Variants in ABCA2 observed in about 807,000 individuals in gnomAD.
The protein encoded by ABCA2 is ATP binding cassette subfamily A member 2, also known as ATP-binding cassette sub-family A member 2.
In ABCA2, 84 loss-of-function variants were observed where a neutral mutation model predicts 262.8. That is an observed-to-expected ratio of 0.32 (90% CI 0.27 to 0.38). ABCA2 has a LOEUF of 0.38. Among genes scored for constraint, ABCA2 ranks in the 10% least tolerant of loss-of-function variants. The pLI is 1.00. For synonymous variants in ABCA2, 1,696 were observed against 1,502.9 expected (o/e 1.13, Z -2.97); for missense variants, 2,662 against 3,405.9 (o/e 0.78, Z 5.44).
In ABCA2 at chr9:137,021,133, G is replaced by A; in HGVS notation, c.898-72C>T. ...AGGTGGGTGATAGGTCAGGAGTGGA[G>A]CAGGGAGACAGCAGCAGGGAGACAC... On this transcript the variant is annotated intron_variant, in intron 8 of 48. Coordinates refer to ENST00000341511, the MANE Select transcript of ABCA2 (RefSeq NM_001606.5). This position sits in a 1 kb window ranked among gnomAD's most constrained non-coding sequence, Gnocchi z 6.0. 7.0e-7 allele frequency: 1 copy of A among 1,438,156 alleles called. No homozygotes were observed. Among genetic ancestry groups the A allele is most frequent in the Non-Finnish European group, 9.1e-7 (1 of 1,098,760 alleles). The allele number at this position is 1,438,156 out of a possible 1,614,324, so 89.1% of individuals were successfully genotyped here. A position where few individuals can be genotyped will look rare whatever the true frequency, so the allele number is the denominator to read the frequency against.
chr9:137,016,665 T>G lies in ABCA2; in HGVS notation c.2832A>C (p.Glu944Asp). 1 of 1,603,028 alleles carries G rather than the reference T, an allele frequency of 6.2e-7. No individual in the cohort carries two copies. The highest frequency in any genetic ancestry group is 8.5e-7 in the Non-Finnish European group (1 of 1,175,058). ...CCCACGGCCAGCTCCACTCCCAGGC[T>G]TCTGTCCGCCCACTGCCCAGCCAGT... is the stretch of plus-strand genomic sequence containing the variant. ...KSYWLGSGRT[E>D]AWEWSWPWAR... The change falls in exon 20 of 49, where the codon GAA becomes GAC. Residue 944 changes from glutamate to aspartate, a missense_variant. Physicochemically the swap from Glu to Asp is conservative, Grantham distance 45. This residue lies in a region of ABCA2 where 133 missense variants were observed against 150.8 expected (regional missense o/e 0.88). Transcript: ENST00000341511.
Position 137,017,193 on chromosome 9 carries a change from C to T in ABCA2, c.2553+3G>A, listed in dbSNP as rs1831290774. The T allele has an allele frequency of 6.2e-7, 1 of 1,612,370 alleles. No individual in the cohort carries two copies. The highest frequency in any genetic ancestry group is 1.7e-5 in the Admixed American group (1 of 60,020). ...CAGCCGCCCGCCTGCCCGCGACCCT[C>T]ACCGCGATGCACTTCTCGAAGGCCG... On this transcript the variant is annotated splice_donor_region_variant and intron_variant, in intron 18 of 48. Coordinates refer to ENST00000341511, the MANE Select transcript of ABCA2 (RefSeq NM_001606.5).
Position 137,009,047 on chromosome 9 carries a change from T to C in ABCA2, c.6834A>G (p.Gly2278=). The change falls in exon 46 of 49, where the codon GGA becomes GGG. Residue 2278 remains glycine, a synonymous_variant. Transcript: ENST00000341511. ...TCCGCACCGTGATCATGTAGCCATC[T>C]CCAAACCTGGTGGGACAGGCCGGTG... ...GSIQHLKNRF[G]DGYMITVRTK... is the part of the protein sequence containing the mutation. The C allele has an allele frequency of 2.5e-6, 4 of 1,606,706 alleles. No individual in the cohort carries two copies. The highest frequency in any genetic ancestry group is 3.4e-6 in the Non-Finnish European group (4 of 1,179,684).
At chr9:137,028,922 T>A, upstream of ABCA2, 1 of 1,286,530 alleles carries the variant, frequency 7.8e-7, no homozygotes, top group Non-Finnish European at 1.0e-6. The surrounding 1 kb of genome is among the most constrained non-coding windows in gnomAD (Gnocchi z 6.9). Flanking sequence ...CAGGCGGTTC[T>A]GCGGCTGTGG....
In ABCA2 at chr9:137,017,224, T is replaced by G; in HGVS notation, c.2525A>C (p.Lys842Thr). 1 of 1,612,612 alleles carries G rather than the reference T, an allele frequency of 6.2e-7. No individual in the cohort carries two copies. Among genetic ancestry groups the G allele is most frequent in the Non-Finnish European group, 8.5e-7 (1 of 1,179,894 alleles). Residue 842 changes from lysine (K) to threonine (T), a missense_variant, in exon 18 of 49, where the codon AAG becomes ACG. By Grantham distance (78) the Lys-to-Thr change is moderately conservative (BLOSUM62 -1). Coordinates refer to ENST00000341511, the MANE Select transcript of ABCA2 (RefSeq NM_001606.5). Reference protein sequence around the residue: ...VAIREEVAHDKITAFEKCIAS... With the variant: ...VAIREEVAHDTITAFEKCIAS... ...GATGCACTTCTCGAAGGCCGTGATC[T>G]TATCATGCGCCACCTCCTCTCGGAT...
At chr9:137,018,667 G>A in intron 13 of ABCA2, 52 bp downstream of exon 13, 2 of 1,441,268 alleles carry the variant, frequency 1.4e-6, no homozygotes, top group Non-Finnish European at 1.9e-6. Flanking sequence ...GGGCTGGGCT[G>A]GGGAGGAAGA....
In ABCA2 at chr9:137,008,532, A is replaced by G. The variant is rs1830913801; in HGVS notation, c.7159T>C (p.Leu2387=). ...PSALQSPLGC[L]LSLLRPRSAP... Reference sequence around the variant, plus strand: ...GACCGGGGCCGGAGCAGGCTGAGCAAGCAGCCGAGAGGGGACTGCAGTGCG... The same window carrying G: ...GACCGGGGCCGGAGCAGGCTGAGCAGGCAGCCGAGAGGGGACTGCAGTGCG... The change falls in exon 48 of 49, where the codon TTG becomes CTG. Residue 2387 remains leucine, a synonymous_variant. Transcript: ENST00000341511. 2 of 1,600,830 alleles carry G rather than the reference A, an allele frequency of 1.2e-6. No individual in the cohort carries two copies. Among genetic ancestry groups the G allele is most frequent in the East Asian group, 4.5e-5 (2 of 44,360 alleles).
rs568413270 is a variant in ABCA2 at position 137,012,458 on chromosome 9, G to A, written c.5187+27C>T. On this transcript the variant is annotated intron_variant, in intron 32 of 48. Transcript: ENST00000341511. ...GACCTCGGGCGGCGCTACACACAGC[G>A]GGGCCCAGGCCCGCAGCCTCGCTCA... 2.6e-4 allele frequency: 412 copies of A among 1,610,164 alleles called. 8 individuals carry two copies. In the South Asian group the frequency reaches 4.0e-3, roughly 16 times the overall value.
upstream of ABCA2, chr9:137,028,748 C>G (rs374868755): frequency 7.8e-7 from 1 of 1,279,334 alleles, no homozygotes; most frequent in Non-Finnish European, 1.0e-6. This position sits in a 1 kb window ranked among gnomAD's most constrained non-coding sequence, Gnocchi z 6.9. Context: ...CAGGTGGGTC[C>G]GTCCCGCGAT....
In ABCA2 at chr9:137,016,633, G is replaced by A. The variant is rs1831268828; in HGVS notation, c.2864C>T (p.Thr955Ile). 3.1e-6 allele frequency: 5 copies of A among 1,610,896 alleles called. No individual in the cohort carries two copies. Among genetic ancestry groups the A allele is most frequent in the African/African-American group, 2.7e-5 (2 of 74,906 alleles). Residue 955 changes from threonine to isoleucine, a missense_variant, in exon 20 of 49, where the codon ACC becomes ATC. Coordinates refer to ENST00000341511, the MANE Select transcript of ABCA2 (RefSeq NM_001606.5). ...CTCCTCCATGACACTGAGGCGGGGG[G>A]TGCGTGCCCACGGCCAGCTCCACTC... ...AWEWSWPWARTPRLSVMEEDQ... is the reference protein window; with the variant it reads ...AWEWSWPWARIPRLSVMEEDQ...
intron 45 of ABCA2, 65 bp downstream of exon 45, chr9:137,009,305 G>C: frequency 7.1e-7 from 1 of 1,405,040 alleles, no homozygotes; most frequent in African/African-American, 1.4e-5. Context: ...CCCACTCCTG[G>C]CCCCGCTGCC....
chr9:137,022,657 CT>C, intron 5 of ABCA2, 44 bp downstream of exon 5: 1 of 1,584,136 alleles, frequency 6.3e-7, no homozygotes, highest in Non-Finnish European at 8.6e-7. Flanking sequence ...GACAGCAGAG[CT>C]TTGCCCGCAG....
At chr9:137,009,138 C>G in intron 45 of ABCA2, 85 bp from the exon 46 acceptor site, 1 of 1,360,762 alleles carries the variant, frequency 7.3e-7, no homozygotes, top group Non-Finnish European at 1.0e-6. Context: ...ACAGCCCCCA[C>G]AGGCACCCCA....
Position 137,018,162 on chromosome 9 carries a change from C to T in ABCA2, c.1993+16G>A, listed in dbSNP as rs200210809. The stretch of plus-strand genomic sequence containing the variant: ...CCCATGAATCCTCCAGCCGGTCTTC[C>T]GGGCCTGCTCCTCACCCTGGATCCA... On this transcript the variant is annotated intron_variant, in intron 14 of 48. Transcript: ENST00000341511. 3.4e-5 allele frequency: 54 copies of T among 1,610,986 alleles called. No homozygotes were observed. In the East Asian group the frequency reaches 1.0e-3, roughly 31 times the overall value.
At position 137,019,525 on chromosome 9, in the gene ABCA2, G is replaced by C. The variant is rs1383348934; in HGVS notation, c.1426-219C>G. 1 of 525,284 alleles carries C rather than the reference G, an allele frequency of 1.9e-6. No homozygotes were observed. Among genetic ancestry groups the C allele is most frequent in the African/African-American group, 2.0e-5 (1 of 50,594 alleles). The allele number at this position is 525,284 out of a possible 1,614,324, so 32.5% of individuals were successfully genotyped here. ...GCAGCCTCCACCTCCCAGGCTCAAG[G>C]GATCCTCCCGCCTCAGCCCTCCAAG... On this transcript the variant is annotated intron_variant, in intron 10 of 48. Coordinates refer to ENST00000341511, the MANE Select transcript of ABCA2 (RefSeq NM_001606.5). The surrounding 1 kb of genome is among the most constrained non-coding windows in gnomAD (Gnocchi z 4.4).
Position 137,007,798 on chromosome 9 carries a change from A to AAGCCCCTTGGTCCTGAACCTCCACTCC in ABCA2, c.*104_*130dup. On this transcript the variant is annotated 3_prime_UTR_variant, in exon 49 of 49. Coordinates refer to ENST00000341511, the MANE Select transcript of ABCA2 (RefSeq NM_001606.5). ...CCGAGTACAGGGGCTGGAGGACCAGAAGCCCCTTGGTCCTGAACCTCCACT... is the reference window on the plus strand; with the variant it reads ...CCGAGTACAGGGGCTGGAGGACCAGAAGCCCCTTGGTCCTGAACCTCCACTCCAGCCCCTTGGTCCTGAACCTCCACT... The AAGCCCCTTGGTCCTGAACCTCCACTCC allele has an allele frequency of 8.0e-7, 1 of 1,254,034 alleles. No individual in the cohort carries two copies. Among genetic ancestry groups the AAGCCCCTTGGTCCTGAACCTCCACTCC allele is most frequent in the Non-Finnish European group, 1.1e-6 (1 of 893,440 alleles). The allele number at this position is 1,254,034 out of a possible 1,614,324, so 77.7% of individuals were successfully genotyped here.
rs535182707 is a variant in ABCA2, at chr9:137,024,311, T to C, written c.67-75A>G. The C allele has an allele frequency of 7.5e-5, 102 of 1,352,718 alleles. No individual in the cohort carries two copies. The African/African-American group carries it at 1.2e-3, about 16-fold the overall frequency. The allele number at this position is 1,352,718 out of a possible 1,614,324, so 83.8% of individuals were successfully genotyped here. On this transcript the variant is annotated intron_variant, in intron 1 of 48. Transcript: ENST00000341511. ...GGCCCTCCCCAGCCTCCCATAGGGC[T>C]GGCCCAGCCCAGACAGGACCACGTG...
intron 46 of ABCA2, 32 bp from the exon 47 acceptor site, chr9:137,008,900 G>GCCCCCCCCCCCCCCGAGCCCC: frequency 1.3e-6 from 2 of 1,555,282 alleles, no homozygotes; most frequent in Non-Finnish European, 1.7e-6. Context: ...GCCTGGCAGC[G>GCCCCCCCCCCCCCCGAGCCCC]CCCCCCCACC....
At position 137,013,085 on chromosome 9, in the gene ABCA2, G is replaced by A. The variant is rs916144487; in HGVS notation, c.4784C>T (p.Ser1595Leu). The A allele has an allele frequency of 5.7e-6, 9 of 1,574,872 alleles. No individual in the cohort carries two copies. Among genetic ancestry groups the A allele is most frequent in the African/African-American group, 2.7e-5 (2 of 74,224 alleles). ...PLSNFVPPPP[S>L]PAPSDSPASP... Reference sequence around the variant, plus strand: ...CGCTGGCGAGTCAGATGGGGCGGGCGAGGGTGGGGGTGGCACGAAATTGGA... The same window carrying A: ...CGCTGGCGAGTCAGATGGGGCGGGCAAGGGTGGGGGTGGCACGAAATTGGA... Residue 1595 changes from serine to leucine, a missense_variant, in exon 30 of 49, where the codon TCG (serine) becomes TTG (leucine). Physicochemically the swap from Ser to Leu is moderately radical, Grantham distance 145. This residue lies in a region of ABCA2 where 192 missense variants were observed against 207.2 expected (regional missense o/e 0.93). Transcript: ENST00000341511.
Sources: allele counts gnomAD v4.1 joint callset, GRCh38; gene constraint gnomAD v4.1.1; regional missense constraint gnomAD v4.1.1; non-coding constraint Gnocchi (gnomAD v3.1); transcripts MANE v1.5; gene names NCBI Gene and HGNC (gene_info 2026-07-23, HGNC 2026-07-21).